Variants in OR1L8 observed in about 807,000 individuals in gnomAD.
OR1L8 encodes olfactory receptor 1L8.
For missense variants in OR1L8, 330 were observed against 377.4 expected (o/e 0.87, Z 1.04); for synonymous variants, 148 against 147.0 (o/e 1.01, Z -0.05).
At chr9:122,582,940 T>A (rs1166849623) in intron 1 of OR1L8, among the ~76,000 whole-genome samples, 1 of 151,656 alleles carries the variant, frequency 6.6e-6, no homozygotes, top group East Asian at 1.9e-4. Flanking sequence ...CAAAAGAGAA[T>A]TAAATAAAAA....
chr9:122,552,878 A>G, the OR1L8 span, among the ~76,000 whole-genome samples: 1 of 151,774 alleles, frequency 6.6e-6, no homozygotes, highest in East Asian at 2.0e-4. Context: ...TAATCTTGCC[A>G]TCAAGCTATT....
the OR1L8 span, chr9:122,554,180 G>A: frequency 3.2e-6 from 5 of 1,580,996 alleles, no homozygotes; most frequent in Non-Finnish European, 4.3e-6. Context: ...TCTAGACGGT[G>A]ATGTCTAATC....
the OR1L8 span, among the ~76,000 whole-genome samples, chr9:122,550,766 A>C: frequency 6.6e-6 from 1 of 152,262 alleles, no homozygotes; most frequent in South Asian, 2.1e-4. Flanking sequence ...AATAAAAGCC[A>C]TATGTGACAA....
At chr9:122,571,805 G>A (rs1829557922) in intron 4 of OR1L8, among the ~76,000 whole-genome samples, 1 of 152,040 alleles carries the variant, frequency 6.6e-6, no homozygotes, top group Non-Finnish European at 1.5e-5. Flanking sequence ...TGGACTTGAG[G>A]CAGAAGATGC....
In OR1L8 at chr9:122,567,499, C is replaced by T. The variant is rs758368110; in HGVS notation, c.*49G>A. ...GTTCACCAGAAACCAGTAGAAAACA[C>T]GTCCAAGTTGAGCAGATTCCACTTA... On this transcript the variant is annotated 3_prime_UTR_variant, in exon 5 of 5. Transcript: ENST00000641027. 2.4e-5 allele frequency: 33 copies of T among 1,362,768 alleles called. No homozygotes were observed. In the South Asian group the frequency reaches 2.9e-4, roughly 12 times the overall value. 84.4% of individuals were successfully genotyped at this position (1,362,768 alleles called of 1,614,324 possible). A position where few individuals can be genotyped will look rare whatever the true frequency, so the allele number is the denominator to read the frequency against.
the OR1L8 span, among the ~76,000 whole-genome samples, chr9:122,549,338 C>G: frequency 6.6e-6 from 1 of 152,148 alleles, no homozygotes; most frequent in African/African-American, 2.4e-5. Flanking sequence ...CTGGCACTAT[C>G]CTTTGTGTAC....
rs146231865 is a variant in OR1L8 at position 122,568,099 on chromosome 9, C to T, written c.379G>A (p.Val127Ile). The T allele has an allele frequency of 2.8e-4, 445 of 1,613,908 alleles. 1 individual carries two copies. The highest frequency in any genetic ancestry group is 1.7e-3 in the Admixed American group (102 of 60,006). The change falls in exon 5 of 5, where the codon GTC becomes ATC. Residue 127 changes from valine (V) to isoleucine (I), a missense_variant. Physicochemically the swap from Val to Ile is conservative, Grantham distance 29. Coordinates refer to ENST00000641027, the MANE Select transcript of OR1L8 (RefSeq NM_001004454.2). ...GTGACATAGTGGAAAGGGTCACAGA[C>T]GGCCACATAGCGGTCAAAGGCCATG... ...AVMAFDRYVA[V>I]CDPFHYVTTM...
chr9:122,559,104 G>T, the OR1L8 span, among the ~76,000 whole-genome samples: 2,826 of 151,900 alleles, frequency 0.019, 79 homozygotes, highest in African/African-American at 0.064. Context: ...ATACATTATT[G>T]TTAACTATAT....
At chr9:122,567,087 A>T (rs1470862810), downstream of OR1L8, 1 of 152,464 alleles carries the variant, frequency 6.6e-6, no homozygotes, top group African/African-American at 2.4e-5. Context: ...AAAAATTCTC[A>T]AGAAGAGAAA....
the OR1L8 span, among the ~76,000 whole-genome samples, chr9:122,561,101 CT>C: frequency 3.9e-5 from 6 of 152,088 alleles, no homozygotes; most frequent in Non-Finnish European, 8.8e-5. Context: ...GATATTCTTT[CT>C]TCTGTTTGAT....
At chr9:122,553,371 T>C in the OR1L8 span, 2 of 1,613,928 alleles carry the variant, frequency 1.2e-6, no homozygotes, top group Admixed American at 3.3e-5. Flanking sequence ...GGCCATCAGC[T>C]CTGACCCACA....
chr9:122,568,470 C>G lies in OR1L8; in HGVS notation c.8G>C (p.Arg3Thr), dbSNP rs76907019. 3.2e-6 allele frequency: 5 copies of G among 1,570,970 alleles called. No homozygotes were observed. In the African/African-American group the frequency reaches 6.8e-5, roughly 21 times the overall value. ...GGAGACACTGCTGGTGTGGTTGATT[C>G]TTTCCATTGACTTGGGCTCAGTTAT... ME[R>T]INHTSSVSEF... is the part of the protein sequence containing the mutation. The change falls in exon 5 of 5, where the codon AGA (arginine) becomes ACA (threonine). Residue 3 changes from arginine to threonine, a missense_variant. Arg to Thr is a moderately conservative substitution (Grantham distance 71). Coordinates refer to ENST00000641027, the MANE Select transcript of OR1L8 (RefSeq NM_001004454.2).
At chr9:122,553,272 T>A in the OR1L8 span, 2 of 1,613,998 alleles carry the variant, frequency 1.2e-6, no homozygotes, top group Non-Finnish European at 1.7e-6. Context: ...TCTAGGACTC[T>A]CTGAGTGGCC....
the OR1L8 span, among the ~76,000 whole-genome samples, chr9:122,556,412 G>T: frequency 4.9e-3 from 739 of 151,804 alleles, 5 homozygotes; most frequent in Non-Finnish European, 8.1e-3. Context: ...CTATTTCTGG[G>T]CTCTTTATTC....
chr9:122,549,931 T>C, the OR1L8 span, among the ~76,000 whole-genome samples: 2 of 152,182 alleles, frequency 1.3e-5, no homozygotes, highest in African/African-American at 4.8e-5. Flanking sequence ...TTGCATTGAA[T>C]CTATAGATTG....
At chr9:122,548,515 C>T in the OR1L8 span, among the ~76,000 whole-genome samples, 3 of 152,148 alleles carry the variant, frequency 2.0e-5, no homozygotes, top group Admixed American at 2.0e-4. Flanking sequence ...GCCAAAGTGA[C>T]TCATTAGGAG....
chr9:122,582,875 A>T (rs1276069252), intron 1 of OR1L8, among the ~76,000 whole-genome samples: 1 of 152,146 alleles, frequency 6.6e-6, no homozygotes, highest in East Asian at 1.9e-4. Context: ...TCTAGAAATA[A>T]AAGTGTAATT....
At chr9:122,573,615 A>G (rs889553022) in intron 3 of OR1L8, among the ~76,000 whole-genome samples, 4 of 152,130 alleles carry the variant, frequency 2.6e-5, no homozygotes, top group Non-Finnish European at 1.5e-5. Context: ...GTTGAGTTTT[A>G]AGAGTTATTT....
chr9:122,570,417 T>A (rs1829523842), intron 4 of OR1L8, among the ~76,000 whole-genome samples: 2 of 152,252 alleles, frequency 1.3e-5, no homozygotes, highest in Admixed American at 1.3e-4. Context: ...TTTTCACATA[T>A]TTTTAAATGT....
Sources: gnomAD v4.1 joint callset for allele counts (sites outside exome capture counted in the v4.1 genomes callset) on GRCh38, gnomAD v4.1.1 for gene constraint, MANE v1.5 for transcripts, NCBI Gene and HGNC (gene_info 2026-07-23, HGNC 2026-07-21) for gene names.